The following AKAP19 variants were observed in gnomAD, a reference collection of about 807,000 sequenced individuals.
The protein encoded by AKAP19 is A-kinase anchoring protein 19.
the AKAP19 span, chr2:190,180,892 CGGCGAGAAGGCGGCGCCGCTGCCCT>C: frequency 1.0e-6 from 1 of 985,250 alleles, no homozygotes; most frequent in Non-Finnish European, 1.2e-6. The surrounding 1 kb of genome is among the most constrained non-coding windows in gnomAD (Gnocchi z 6.8). Context: ...AGCCGGGCGC[CGGCGAGAAGGCGGCGCCGCTGCCCT>C]GGCAGCTGGA....
the AKAP19 span, among the ~76,000 whole-genome samples, chr2:190,047,599 A>T: frequency 6.6e-6 from 1 of 152,184 alleles, no homozygotes; most frequent in Non-Finnish European, 1.5e-5. Context: ...TTCTCTCTCC[A>T]TAGTTCCCGC....
the AKAP19 span, among the ~76,000 whole-genome samples, chr2:189,978,455 T>C: frequency 6.6e-6 from 1 of 152,006 alleles, no homozygotes; most frequent in African/African-American, 2.4e-5. Context: ...ACCCCATCTC[T>C]ACTAAAAATA....
At chr2:190,122,709 T>C in the AKAP19 span, among the ~76,000 whole-genome samples, 2 of 152,182 alleles carry the variant, frequency 1.3e-5, no homozygotes, top group Non-Finnish European at 2.9e-5. Flanking sequence ...AGAAACTATA[T>C]TTATTACAGT....
the AKAP19 span, among the ~76,000 whole-genome samples, chr2:190,030,900 G>A: frequency 1.2e-4 from 18 of 152,322 alleles, no homozygotes; most frequent in South Asian, 3.3e-3. Flanking sequence ...ATAAAAAGAC[G>A]TAGATGCACT....
the AKAP19 span, among the ~76,000 whole-genome samples, chr2:189,931,293 T>A: frequency 6.6e-6 from 1 of 152,100 alleles, no homozygotes; most frequent in Non-Finnish European, 1.5e-5. Context: ...AATGTTAACA[T>A]CTTACACAAT....
At chr2:189,939,272 CAGACTT>C in the AKAP19 span, among the ~76,000 whole-genome samples, 1 of 152,126 alleles carries the variant, frequency 6.6e-6, no homozygotes, top group African/African-American at 2.4e-5. Flanking sequence ...AACCCCTAGC[CAGACTT>C]TCTACACGTT....
chr2:190,168,144 G>A, the AKAP19 span, among the ~76,000 whole-genome samples: 10,073 of 152,176 alleles, frequency 0.066, 1,115 homozygotes, highest in African/African-American at 0.23. Flanking sequence ...AATTCTTAAC[G>A]TCTTTGCACC....
the AKAP19 span, among the ~76,000 whole-genome samples, chr2:189,936,155 A>G: frequency 4.6e-4 from 70 of 152,216 alleles, no homozygotes; most frequent in African/African-American, 1.6e-3. Flanking sequence ...TTCAACATGT[A>G]TATGTCTCCA....
At chr2:190,021,615 C>T in the AKAP19 span, among the ~76,000 whole-genome samples, 2 of 152,214 alleles carry the variant, frequency 1.3e-5, no homozygotes, top group African/African-American at 4.8e-5. Flanking sequence ...CCATGCTTTT[C>T]TTGGGAAGCC....
chr2:190,111,291 C>T, the AKAP19 span, among the ~76,000 whole-genome samples: 1 of 152,220 alleles, frequency 6.6e-6, no homozygotes, highest in African/African-American at 2.4e-5. Flanking sequence ...TTGCTTCTTT[C>T]CACCCCGGAA....
At chr2:190,164,102 C>T in the AKAP19 span, 3 of 152,140 alleles carry the variant, frequency 2.0e-5, no homozygotes, top group Admixed American at 6.5e-5. Flanking sequence ...GAGACAGAAT[C>T]GGTTAATTGG....
chr2:190,077,719 C>G, the AKAP19 span, among the ~76,000 whole-genome samples: 8 of 152,088 alleles, frequency 5.3e-5, no homozygotes, highest in Non-Finnish European at 1.0e-4. Flanking sequence ...TGTAGTACAG[C>G]TGAAGTTTGT....
chr2:189,978,140 CG>C, the AKAP19 span, among the ~76,000 whole-genome samples: 16 of 151,998 alleles, frequency 1.1e-4, no homozygotes, highest in African/African-American at 3.9e-4. Context: ...GTTTGTTACA[CG>C]GGTGTATGGT....
the AKAP19 span, among the ~76,000 whole-genome samples, chr2:189,932,918 T>G: frequency 6.6e-6 from 1 of 152,128 alleles, no homozygotes; most frequent in Non-Finnish European, 1.5e-5. Context: ...TAAAGATACT[T>G]AAAATATTTG....
the AKAP19 span, among the ~76,000 whole-genome samples, chr2:189,989,113 T>G: frequency 6.6e-6 from 1 of 152,212 alleles, no homozygotes; most frequent in African/African-American, 2.4e-5. Context: ...CACTATATCT[T>G]TGTTAGAGTA....
chr2:190,194,861 A>C, the AKAP19 span, among the ~76,000 whole-genome samples: 2 of 151,836 alleles, frequency 1.3e-5, no homozygotes, highest in Non-Finnish European at 2.9e-5. Context: ...TGGCTGGATT[A>C]TTATTTTTTG....
chr2:189,934,824 T>C, the AKAP19 span, among the ~76,000 whole-genome samples: 1 of 151,856 alleles, frequency 6.6e-6, no homozygotes, highest in African/African-American at 2.4e-5. Flanking sequence ...TAATAAATAT[T>C]AGTAGAGCCT....
At chr2:190,082,228 C>T in the AKAP19 span, among the ~76,000 whole-genome samples, 1 of 152,200 alleles carries the variant, frequency 6.6e-6, no homozygotes, top group African/African-American at 2.4e-5. Flanking sequence ...TATGTTTCTC[C>T]TTTCATAAAT....
the AKAP19 span, among the ~76,000 whole-genome samples, chr2:189,914,609 TTTAA>T: frequency 6.6e-6 from 1 of 152,130 alleles, no homozygotes; most frequent in African/African-American, 2.4e-5. Flanking sequence ...CCTTTTGCAG[TTTAA>T]TTATGTTTTA....
Sources: gnomAD v4.1 joint callset for allele counts (sites outside exome capture counted in the v4.1 genomes callset) on GRCh38, gnomAD v4.1.1 for gene constraint, Gnocchi (gnomAD v3.1) non-coding constraint, MANE v1.5 for transcripts, NCBI Gene and HGNC (gene_info 2026-07-23, HGNC 2026-07-21) for gene names.